Variants in GPHN observed in about 807,000 individuals in gnomAD.
GPHN encodes gephyrin.
Under a neutral mutation model 95.5 loss-of-function variants are expected in GPHN, and 17 were observed. That is an observed-to-expected ratio of 0.18 (90% CI 0.12 to 0.27). GPHN has a LOEUF of 0.27. Among genes scored for constraint, GPHN ranks in the 10% least tolerant of loss-of-function variants. The probability of loss-of-function intolerance (pLI) is 1.00; values close to 1 mark genes in which losing one functional copy is unlikely to be tolerated. For missense variants in GPHN, 660 were observed against 978.1 expected, an observed-to-expected ratio of 0.67 and a Z score of 4.34; for synonymous variants, 320 against 322.5, an observed-to-expected ratio of 0.99 and a Z score of 0.08.
chr14:66,835,796 CCAA>C (rs1374005493), intron 4 of GPHN, among the ~76,000 whole-genome samples: 1 of 152,008 alleles, frequency 6.6e-6, no homozygotes, highest in Non-Finnish European at 1.5e-5. Flanking sequence ...TTCCTATACA[CCAA>C]CAACAGACAG....
At chr14:66,688,016 TACTA>T (rs1418800607) in intron 2 of GPHN, among the ~76,000 whole-genome samples, 1 of 152,220 alleles carries the variant, frequency 6.6e-6, no homozygotes, top group African/African-American at 2.4e-5. Context: ...AAAACTTAAT[TACTA>T]ACTAATAAGC....
chr14:67,622,123 G>A, the GPHN span, among the ~76,000 whole-genome samples: 1 of 152,052 alleles, frequency 6.6e-6, no homozygotes, highest in Non-Finnish European at 1.5e-5. Flanking sequence ...TGGCAGGAAG[G>A]TTCTTCTTTA....
chr14:67,707,746 C>T, the GPHN span, among the ~76,000 whole-genome samples: 7 of 152,170 alleles, frequency 4.6e-5, no homozygotes, highest in Admixed American at 1.3e-4. Context: ...TGAGCCCAGC[C>T]GTGGATTTGT....
the GPHN span, among the ~76,000 whole-genome samples, chr14:67,343,699 T>C: frequency 1.3e-5 from 2 of 152,192 alleles, no homozygotes; most frequent in African/African-American, 2.4e-5. Flanking sequence ...ACCTTGCCTC[T>C]ACAAGAAATA....
intron 21 of GPHN, among the ~76,000 whole-genome samples, chr14:67,173,515 A>G (rs932181392): frequency 2.0e-5 from 3 of 152,102 alleles, no homozygotes; most frequent in African/African-American, 7.2e-5. Context: ...TGAAAAAGTC[A>G]CCACACCCTT....
the GPHN span, among the ~76,000 whole-genome samples, chr14:67,716,846 T>C: frequency 5.4e-5 from 8 of 147,860 alleles, no homozygotes; most frequent in Non-Finnish European, 1.2e-4. Flanking sequence ...ATCACACCAC[T>C]GCACTCCAGC....
chr14:67,268,368 G>C, the GPHN span, among the ~76,000 whole-genome samples: 153 of 152,308 alleles, frequency 1.0e-3, 1 homozygote, highest in Non-Finnish European at 1.9e-3. Context: ...ATCCCAGAGA[G>C]GGTTCTTGGA....
intron 5 of GPHN, among the ~76,000 whole-genome samples, chr14:66,891,905 C>T (rs2064530327): frequency 6.6e-6 from 1 of 151,954 alleles, no homozygotes; most frequent in Non-Finnish European, 1.5e-5. Flanking sequence ...TAGGGAAATG[C>T]AAATCAGAAC....
At chr14:66,610,473 G>T (rs532700000) in intron 1 of GPHN, among the ~76,000 whole-genome samples, 25 of 152,044 alleles carry the variant, frequency 1.6e-4, no homozygotes, top group African/African-American at 5.5e-4. Context: ...TTCAAAGTAT[G>T]TTTGTTTACT....
chr14:67,452,247 C>T, the GPHN span, among the ~76,000 whole-genome samples: 81 of 150,858 alleles, frequency 5.4e-4, no homozygotes, highest in Non-Finnish European at 1.0e-3. Context: ...CATTTGAACC[C>T]GGAAGGCAGA....
the GPHN span, chr14:67,395,505 C>T: frequency 6.2e-7 from 1 of 1,614,086 alleles, no homozygotes; most frequent in Non-Finnish European, 8.5e-7. Context: ...ATCTCAAAGG[C>T]CCAGGCATCC....
the GPHN span, chr14:67,619,936 C>T: frequency 1.7e-5 from 23 of 1,384,536 alleles, no homozygotes; most frequent in Non-Finnish European, 1.9e-5. Context: ...GGCTTCCAAC[C>T]GCGCGGAGCC....
At chr14:67,582,318 G>A in the GPHN span, 57 of 1,566,248 alleles carry the variant, frequency 3.6e-5, no homozygotes, top group Non-Finnish European at 4.6e-5. This position sits in a 1 kb window ranked among gnomAD's most constrained non-coding sequence, Gnocchi z 5.0. Context: ...GTGCTCAGGA[G>A]AGGGCAGCTT....
At chr14:67,062,589 G>A (rs1320668464) in intron 11 of GPHN, among the ~76,000 whole-genome samples, 1 of 137,788 alleles carries the variant, frequency 7.3e-6, no homozygotes, top group East Asian at 2.1e-4. Context: ...CATAGACACA[G>A]GGAACTCTAT....
intron 11 of GPHN, among the ~76,000 whole-genome samples, chr14:67,065,239 G>C (rs1008788697): frequency 6.6e-6 from 1 of 152,134 alleles, no homozygotes; most frequent in Non-Finnish European, 1.5e-5. Flanking sequence ...GTGCTTGTGC[G>C]GTTTTGAGTG....
intron 2 of GPHN, among the ~76,000 whole-genome samples, chr14:66,703,009 A>C (rs760723021): frequency 6.7e-6 from 1 of 150,348 alleles, no homozygotes; most frequent in Non-Finnish European, 1.5e-5. Flanking sequence ...CACAAGAATC[A>C]ATAGCCGAAT....
At chr14:67,572,336 G>T in the GPHN span, 1 of 1,398,972 alleles carries the variant, frequency 7.1e-7, no homozygotes, top group Non-Finnish European at 9.5e-7. Context: ...GGCTGCTGGG[G>T]CCCTCAGCAC....
intron 2 of GPHN, among the ~76,000 whole-genome samples, chr14:66,683,401 T>TATATATGTTCATATATATGTAC (rs1566813036): frequency 1.0e-5 from 1 of 98,556 alleles, no homozygotes. Flanking sequence ...TATGTTCATA[T>TATATATGTTCATATATATGTAC]ATATATATGT....
At position 66,743,551 on chromosome 14, in the gene GPHN, A is replaced by G. The variant is rs1354647668; in HGVS notation, c.144-32913A>G. On this transcript the variant is annotated intron_variant, in intron 2 of 22. Coordinates refer to ENST00000478722, the MANE Select transcript of GPHN (RefSeq NM_020806.5). ...GGAGATCGAGACCATCCTGGCTAAC[A>G]CGGTGAAGCCCCTTCTCTAGTAAAA... Among the ~76,000 whole-genome samples, 5 of 152,130 alleles carry G rather than the reference A, an allele frequency of 3.3e-5. No homozygotes were observed. In the East Asian group the frequency reaches 5.8e-4, roughly 18 times the overall value.
Sources: gnomAD v4.1 joint callset for allele counts (sites outside exome capture counted in the v4.1 genomes callset) on GRCh38, gnomAD v4.1.1 for gene constraint, Gnocchi (gnomAD v3.1) non-coding constraint, MANE v1.5 for transcripts, NCBI Gene and HGNC (gene_info 2026-07-23, HGNC 2026-07-21) for gene names.